CTNNA3: variants seen among roughly 807,000 people sequenced by gnomAD.
CTNNA3 encodes the protein catenin alpha-3.
CTNNA3 carries 76 observed loss-of-function variants against 95.7 expected under a neutral mutation model. The observed-to-expected ratio is 0.79, with a 90% CI of 0.66 to 0.96. The LOEUF (loss-of-function observed/expected upper bound fraction) is 0.96, where lower values mean the gene tolerates loss of function less well. Ranked by LOEUF, CTNNA3 falls within the 40% of genes least tolerant of loss-of-function variation. CTNNA3 has a pLI of 0.00. For missense variants in CTNNA3, 1,191 were observed against 1,089.8 expected (o/e 1.09, Z -1.31); for synonymous variants, 431 against 374.4 (o/e 1.15, Z -1.74).
At chr10:67,301,692 G>A (rs1307106806) in intron 5 of CTNNA3, among the ~76,000 whole-genome samples, 1 of 152,100 alleles carries the variant, frequency 6.6e-6, no homozygotes, top group East Asian at 1.9e-4. Flanking sequence ...ATCCTGGCTG[G>A]GCATGGTGGC....
Position 66,699,666 on chromosome 10 carries a change from C to CTTT in CTNNA3, c.1281+66595_1281+66597dup, listed in dbSNP as rs10627549. 4.6e-3 allele frequency among the ~76,000 whole-genome samples: 669 copies of CTTT among 146,378 alleles called. 4 individuals carry two copies. Among genetic ancestry groups the CTTT allele is most frequent in the African/African-American group, 0.016 (629 of 39,822 alleles). ...ACTATGAGTACTCAATGATATTTAC[C>CTTT]TTTTTTTTTTTTGAGATGGAGTTTT... is the stretch of plus-strand genomic sequence containing the variant. On this transcript the variant is annotated intron_variant, in intron 9 of 17. Coordinates refer to ENST00000433211, the MANE Select transcript of CTNNA3 (RefSeq NM_013266.4).
At chr10:66,506,793 C>A (rs963716892) in intron 11 of CTNNA3, among the ~76,000 whole-genome samples, 1 of 151,960 alleles carries the variant, frequency 6.6e-6, no homozygotes, top group Admixed American at 6.6e-5. Flanking sequence ...TTGTATTGAA[C>A]CACTTCATGG....
At chr10:67,356,243 C>T (rs1201078534) in intron 5 of CTNNA3, among the ~76,000 whole-genome samples, 1 of 152,044 alleles carries the variant, frequency 6.6e-6, no homozygotes. Context: ...GGACTCTCTT[C>T]CCCTGTAGGG....
intron 5 of CTNNA3, among the ~76,000 whole-genome samples, chr10:67,447,864 T>A (rs975448115): frequency 6.6e-6 from 1 of 152,040 alleles, no homozygotes; most frequent in Non-Finnish European, 1.5e-5. Context: ...TAGATAAGAG[T>A]CTGGCACAAA....
chr10:66,938,479 A>G (rs1477769895), intron 7 of CTNNA3, among the ~76,000 whole-genome samples: 1 of 152,154 alleles, frequency 6.6e-6, no homozygotes, highest in African/African-American at 2.4e-5. Flanking sequence ...GGAAAAGAAA[A>G]TATATTTATT....
At chr10:66,008,074 C>G (rs2078933199) in intron 15 of CTNNA3, among the ~76,000 whole-genome samples, 1 of 152,074 alleles carries the variant, frequency 6.6e-6, no homozygotes, top group Non-Finnish European at 1.5e-5. Context: ...GCATATTGAA[C>G]CGGGCTGAGA....
At chr10:65,952,238 A>G (rs17819672) in intron 17 of CTNNA3, among the ~76,000 whole-genome samples, 14,212 of 152,218 alleles carry the variant, frequency 0.093, 850 homozygotes, top group East Asian at 0.21. Flanking sequence ...CTTTATTACA[A>G]TGCAATACAA....
intron 7 of CTNNA3, among the ~76,000 whole-genome samples, chr10:66,975,737 A>G (rs533494320): frequency 6.6e-6 from 1 of 152,156 alleles, no homozygotes; most frequent in African/African-American, 2.4e-5. Flanking sequence ...CAGACACAGT[A>G]TTTCTGCTCT....
At chr10:67,431,055 T>C (rs1846095589) in intron 5 of CTNNA3, among the ~76,000 whole-genome samples, 1 of 152,020 alleles carries the variant, frequency 6.6e-6, no homozygotes, top group Non-Finnish European at 1.5e-5. Flanking sequence ...AAGCATGAAT[T>C]TGACCATTAA....
chr10:66,318,261 GATAT>G (rs1554932044), intron 12 of CTNNA3, among the ~76,000 whole-genome samples: 1 of 137,454 alleles, frequency 7.3e-6, no homozygotes, highest in African/African-American at 2.7e-5. Flanking sequence ...GTTGCTGGGA[GATAT>G]ATATATATAT....
At chr10:67,617,338 T>C (rs904480121) in intron 2 of CTNNA3, among the ~76,000 whole-genome samples, 2 of 152,150 alleles carry the variant, frequency 1.3e-5, no homozygotes, top group African/African-American at 4.8e-5. Flanking sequence ...TACTTATAAG[T>C]GAGCACACAA....
At chr10:67,758,209 T>G (rs1193235780) in intron 1 of CTNNA3, among the ~76,000 whole-genome samples, 4 of 151,986 alleles carry the variant, frequency 2.6e-5, no homozygotes, top group African/African-American at 9.7e-5. Context: ...AGCTTGCGGA[T>G]GGCAGATCTT....
At chr10:66,884,015 T>C (rs1324541935) in intron 7 of CTNNA3, among the ~76,000 whole-genome samples, 3 of 152,204 alleles carry the variant, frequency 2.0e-5, no homozygotes, top group South Asian at 4.1e-4. Context: ...CTTCCACTTA[T>C]GGCAGAAGGT....
intron 9 of CTNNA3, among the ~76,000 whole-genome samples, chr10:66,638,053 C>T (rs1186229262): frequency 6.6e-6 from 1 of 152,182 alleles, no homozygotes; most frequent in Non-Finnish European, 1.5e-5. Context: ...TTATCACCTT[C>T]CACCACTGGA....
At chr10:66,893,297 C>T (rs144095457) in intron 7 of CTNNA3, among the ~76,000 whole-genome samples, 136 of 152,092 alleles carry the variant, frequency 8.9e-4, no homozygotes, top group Middle Eastern at 3.4e-3. Flanking sequence ...ACTGATTAAC[C>T]GCTTACATAA....
intron 7 of CTNNA3, among the ~76,000 whole-genome samples, chr10:67,148,033 G>A (rs1860922234): frequency 6.6e-6 from 1 of 152,170 alleles, no homozygotes; most frequent in African/African-American, 2.4e-5. Flanking sequence ...AGCATCTGAA[G>A]CTGGCCCTTA....
At chr10:66,607,472 C>CAA (rs574854850) in intron 10 of CTNNA3, among the ~76,000 whole-genome samples, 9,406 of 44,414 alleles carry the variant, frequency 0.21, 566 homozygotes, top group Non-Finnish European at 0.23. Context: ...CAGAGACAAC[C>CAA]AAAAAAAAAA....
intron 1 of CTNNA3, among the ~76,000 whole-genome samples, chr10:67,702,259 C>A (rs1295022352): frequency 6.6e-6 from 1 of 152,120 alleles, no homozygotes; most frequent in African/African-American, 2.4e-5. Flanking sequence ...TTGAACTCAG[C>A]TCTGCACCAA....
chr10:66,599,957 A>G (rs1843862426), intron 10 of CTNNA3, among the ~76,000 whole-genome samples: 1 of 151,972 alleles, frequency 6.6e-6, no homozygotes, highest in African/African-American at 2.4e-5. Context: ...TTATTCAATT[A>G]TTCATTTTTA....
Sources: gnomAD v4.1 joint callset for allele counts (sites outside exome capture counted in the v4.1 genomes callset) on GRCh38, gnomAD v4.1.1 for gene constraint, MANE v1.5 for transcripts, NCBI Gene and HGNC (gene_info 2026-07-23, HGNC 2026-07-21) for gene names.